The following KIAA0825 variants were observed in gnomAD, a reference collection of about 807,000 sequenced individuals.
KIAA0825 encodes KIAA0825, also known as uncharacterized protein KIAA0825.
In KIAA0825, 119 loss-of-function variants were observed where a neutral mutation model predicts 147.6. The ratio of observed to expected loss-of-function variants is 0.81; its 90% CI spans 0.69 to 0.94. KIAA0825 has a LOEUF of 0.94. Among genes scored for constraint, KIAA0825 ranks in the 40% least tolerant of loss-of-function variants. The pLI is 0.00. For synonymous variants in KIAA0825, 470 were observed against 518.1 expected (o/e 0.91, Z 1.26); for missense variants, 1,381 against 1,472.7 (o/e 0.94, Z 1.02).
intron 5 of KIAA0825, among the ~76,000 whole-genome samples, chr5:94,489,334 T>A (rs1763428221): frequency 6.6e-6 from 1 of 151,930 alleles, no homozygotes; most frequent in Non-Finnish European, 1.5e-5. Context: ...TTCTGGATCT[T>A]CTCCAGAATT....
intron 20 of KIAA0825, among the ~76,000 whole-genome samples, chr5:94,298,334 C>T (rs1349205981): frequency 6.6e-6 from 1 of 152,058 alleles, no homozygotes; most frequent in East Asian, 1.9e-4. Flanking sequence ...TAAATAGGAG[C>T]CTTAGACAAT....
At chr5:94,482,802 G>A (rs964330657) in intron 6 of KIAA0825, among the ~76,000 whole-genome samples, 3 of 152,016 alleles carry the variant, frequency 2.0e-5, no homozygotes, top group Non-Finnish European at 2.9e-5. Context: ...TATATCACAA[G>A]GAGACGTTCT....
intron 1 of KIAA0825, among the ~76,000 whole-genome samples, chr5:94,610,378 G>A (rs546996946): frequency 2.7e-5 from 4 of 145,880 alleles, no homozygotes; most frequent in African/African-American, 7.7e-5. Flanking sequence ...CTGAGATTGC[G>A]CCACTGGATT....
chr5:94,323,660 G>C (rs553764278), intron 20 of KIAA0825, among the ~76,000 whole-genome samples: 1 of 151,868 alleles, frequency 6.6e-6, no homozygotes, highest in South Asian at 2.1e-4. Context: ...GTTAATTTTA[G>C]ATTTCCAATC....
intron 2 of KIAA0825, among the ~76,000 whole-genome samples, chr5:94,575,660 A>G (rs1780884781): frequency 6.6e-6 from 1 of 152,246 alleles, no homozygotes. Flanking sequence ...AAGAAGACCA[A>G]TTATGACAGT....
intron 20 of KIAA0825, among the ~76,000 whole-genome samples, chr5:94,299,374 G>A (rs923447652): frequency 2.6e-5 from 4 of 151,356 alleles, no homozygotes; most frequent in African/African-American, 7.3e-5. Flanking sequence ...GCACCATCAC[G>A]CTTGGGTAAT....
intron 14 of KIAA0825, among the ~76,000 whole-genome samples, chr5:94,432,561 C>T (rs1235633672): frequency 6.6e-6 from 1 of 151,154 alleles, no homozygotes; most frequent in Admixed American, 6.6e-5. Flanking sequence ...TGGTGACACA[C>T]AAATATGGTT....
At chr5:94,368,321 C>T (rs1430685755) in intron 20 of KIAA0825, among the ~76,000 whole-genome samples, 1 of 152,156 alleles carries the variant, frequency 6.6e-6, no homozygotes, top group African/African-American at 2.4e-5. Flanking sequence ...CACAGGTGTG[C>T]ACCACGACAC....
At chr5:94,230,028 C>T (rs1774548138) in intron 20 of KIAA0825, among the ~76,000 whole-genome samples, 1 of 151,916 alleles carries the variant, frequency 6.6e-6, no homozygotes, top group Non-Finnish European at 1.5e-5. Flanking sequence ...AATCCAAATC[C>T]CTAAAGAACT....
chr5:94,322,775 CT>C (rs1479947000), intron 20 of KIAA0825, among the ~76,000 whole-genome samples: 2 of 151,860 alleles, frequency 1.3e-5, no homozygotes, highest in African/African-American at 4.8e-5. Flanking sequence ...TGCTAGAATT[CT>C]TTTCCATTTT....
chr5:94,487,932 C>T (rs547271851), intron 5 of KIAA0825, among the ~76,000 whole-genome samples: 47 of 152,158 alleles, frequency 3.1e-4, no homozygotes, highest in African/African-American at 1.0e-3. Flanking sequence ...CAACCTGGGC[C>T]ACAGAGTGGG....
intron 3 of KIAA0825, among the ~76,000 whole-genome samples, chr5:94,529,279 C>CATATATATGTATATAT (rs1770114399): frequency 7.4e-6 from 1 of 134,512 alleles, no homozygotes; most frequent in African/African-American, 3.1e-5. Context: ...ATGTATGTAT[C>CATATATATGTATATAT]ATATATATGT....
At chr5:94,236,272 A>G (rs1482508456) in intron 20 of KIAA0825, among the ~76,000 whole-genome samples, 1 of 152,212 alleles carries the variant, frequency 6.6e-6, no homozygotes, top group African/African-American at 2.4e-5. Context: ...GGAGTTTGGA[A>G]GAAGTTGATT....
intron 20 of KIAA0825, among the ~76,000 whole-genome samples, chr5:94,372,405 G>C (rs138419979): frequency 0.031 from 4,666 of 152,338 alleles, 220 homozygotes; most frequent in African/African-American, 0.11. Flanking sequence ...CTGACATCCA[G>C]GCATTTCCAT....
intron 2 of KIAA0825, among the ~76,000 whole-genome samples, chr5:94,545,515 T>C (rs1385118639): frequency 6.6e-6 from 1 of 152,178 alleles, no homozygotes. Context: ...TCTTGGATAC[T>C]AGCTCAGCAA....
At chr5:94,571,096 C>G (rs1264510622) in intron 2 of KIAA0825, among the ~76,000 whole-genome samples, 1 of 152,136 alleles carries the variant, frequency 6.6e-6, no homozygotes, top group Non-Finnish European at 1.5e-5. Context: ...GTGTGCATTA[C>G]AACATATTTC....
chr5:94,253,897 T>C (rs767869880), intron 20 of KIAA0825, among the ~76,000 whole-genome samples: 3 of 152,178 alleles, frequency 2.0e-5, no homozygotes, highest in Non-Finnish European at 4.4e-5. Context: ...GACTGTTTTC[T>C]GTAGCACAAT....
intron 14 of KIAA0825, among the ~76,000 whole-genome samples, chr5:94,420,473 A>G (rs1754039995): frequency 6.6e-6 from 1 of 152,176 alleles, no homozygotes; most frequent in African/African-American, 2.4e-5. Context: ...ACTCAGTCCA[A>G]ACTATGTATA....
intron 13 of KIAA0825, among the ~76,000 whole-genome samples, chr5:94,446,298 A>G (rs1325554150): frequency 1.3e-5 from 2 of 152,220 alleles, no homozygotes; most frequent in African/African-American, 4.8e-5. Flanking sequence ...CCTTATTCTT[A>G]TAGAATTTAG....
Sources: gnomAD v4.1 joint callset for allele counts (sites outside exome capture counted in the v4.1 genomes callset) on GRCh38, gnomAD v4.1.1 for gene constraint, MANE v1.5 for transcripts, NCBI Gene and HGNC (gene_info 2026-07-23, HGNC 2026-07-21) for gene names.